Variants in DGKG observed in about 807,000 individuals in gnomAD.
The protein encoded by DGKG is diacylglycerol kinase gamma.
A neutral mutation model predicts 105.3 loss-of-function variants in DGKG; 78 were observed. The ratio of observed to expected loss-of-function variants is 0.74; its 90% CI spans 0.62 to 0.89. The LOEUF is 0.89. Among genes scored for constraint, DGKG ranks in the 40% least tolerant of loss-of-function variants. The pLI is 0.00. For missense variants in DGKG, 958 were observed against 1,020.1 expected (o/e 0.94, Z 0.83); for synonymous variants, 346 against 367.1 (o/e 0.94, Z 0.66).
intron 1 of DGKG, among the ~76,000 whole-genome samples, chr3:186,359,090 C>T (rs918099105): frequency 1.3e-5 from 2 of 152,208 alleles, no homozygotes; most frequent in Non-Finnish European, 2.9e-5. Context: ...GAAGAATGCT[C>T]GTGTGATGTG....
chr3:186,297,978 G>C, intron 4 of DGKG, 86 bp downstream of exon 4: 3 of 1,466,286 alleles, frequency 2.0e-6, no homozygotes, highest in Non-Finnish European at 1.8e-6. Context: ...CTATGTTCAG[G>C]GGACCCTCTA....
At chr3:186,356,295 G>A (rs1726952684) in intron 1 of DGKG, among the ~76,000 whole-genome samples, 2 of 152,164 alleles carry the variant, frequency 1.3e-5, no homozygotes, top group Admixed American at 1.3e-4. Flanking sequence ...GGCTGAGAGG[G>A]CCGGTAAATA....
At chr3:186,317,714 C>T (rs1008989845) in intron 2 of DGKG, among the ~76,000 whole-genome samples, 13 of 152,168 alleles carry the variant, frequency 8.5e-5, no homozygotes, top group Non-Finnish European at 1.3e-4. Flanking sequence ...CCAGGCTGAG[C>T]GGGGCCTTCT....
In DGKG at chr3:186,251,759, C is replaced by T; in HGVS notation, c.1761G>A (p.Val587=). The T allele has an allele frequency of 3.1e-6, 5 of 1,614,110 alleles. No individual in the cohort carries two copies. Among genetic ancestry groups the T allele is most frequent in the Non-Finnish European group, 4.2e-6 (5 of 1,179,984 alleles). The change falls in exon 19 of 25, where the codon GTG becomes GTA. Residue 587 remains valine (V), a splice_region_variant and synonymous_variant. Coordinates refer to ENST00000265022, the MANE Select transcript of DGKG (RefSeq NM_001346.3). ...GAAAGGTGATCTTTGACCAACTCAC[C>T]ACACCAATGGAGAAATAGTTGTTCA... is the stretch of plus-strand genomic sequence containing the variant. The part of the protein sequence containing the change: ...SIMNNYFSIG[V]DASIAHRFHV...
intron 20 of DGKG, among the ~76,000 whole-genome samples, chr3:186,240,224 C>T (rs1720617927): frequency 1.3e-5 from 2 of 152,126 alleles, no homozygotes; most frequent in African/African-American, 2.4e-5. Flanking sequence ...TTGGTTCAGG[C>T]GTCTCTGTCA....
chr3:186,266,845 C>T (rs946098857), intron 13 of DGKG, among the ~76,000 whole-genome samples: 1 of 152,216 alleles, frequency 6.6e-6, no homozygotes, highest in Non-Finnish European at 1.5e-5. Context: ...GATCCGCCTG[C>T]CTCAGCCTCC....
At chr3:186,219,581 C>T (rs1048139698) in intron 20 of DGKG, among the ~76,000 whole-genome samples, 5 of 152,084 alleles carry the variant, frequency 3.3e-5, no homozygotes, top group East Asian at 1.9e-4. Context: ...CTTCAAGGCG[C>T]GAGGTATTCC....
At chr3:186,170,514 G>T (rs896426793) in intron 22 of DGKG, among the ~76,000 whole-genome samples, 2 of 152,158 alleles carry the variant, frequency 1.3e-5, no homozygotes, top group Non-Finnish European at 2.9e-5. Flanking sequence ...TGGGCCTTAG[G>T]CAAGAAAACT....
At chr3:186,348,451 C>CTTTTTTTTTTTTT (rs1159516433) in intron 1 of DGKG, among the ~76,000 whole-genome samples, 3 of 50,702 alleles carry the variant, frequency 5.9e-5, no homozygotes, top group African/African-American at 2.2e-4. Context: ...GGCTCATAAT[C>CTTTTTTTTTTTTT]TTTTTTTTTT....
chr3:186,255,266 C>CA (rs1333455459), intron 17 of DGKG, among the ~76,000 whole-genome samples: 1 of 152,138 alleles, frequency 6.6e-6, no homozygotes, highest in Non-Finnish European at 1.5e-5. Context: ...TGAGAGTGGG[C>CA]AAAAAAGCCG....
chr3:186,186,332 C>T (rs1717637474), intron 22 of DGKG, among the ~76,000 whole-genome samples: 1 of 152,100 alleles, frequency 6.6e-6, no homozygotes, highest in Non-Finnish European at 1.5e-5. Context: ...CCTGGAACAT[C>T]AAAGCACACA....
intron 19 of DGKG, among the ~76,000 whole-genome samples, chr3:186,247,991 C>CCCTT (rs561438259): frequency 1.5e-4 from 23 of 151,050 alleles, no homozygotes; most frequent in Admixed American, 2.0e-4. Context: ...CTTCCTTCCT[C>CCCTT]CCTTCCTTCC....
At chr3:186,341,728 G>A (rs1362317424) in intron 1 of DGKG, among the ~76,000 whole-genome samples, 1 of 152,014 alleles carries the variant, frequency 6.6e-6, no homozygotes, top group Non-Finnish European at 1.5e-5. Flanking sequence ...TATGTTTACT[G>A]CAGCATTATT....
chr3:186,204,146 T>C (rs1718609089), intron 21 of DGKG, among the ~76,000 whole-genome samples: 1 of 152,204 alleles, frequency 6.6e-6, no homozygotes, highest in Non-Finnish European at 1.5e-5. Context: ...TGGTGGCTGA[T>C]GCCTGTAATC....
At chr3:186,151,292 A>G (rs1715746391) in intron 24 of DGKG, among the ~76,000 whole-genome samples, 2 of 152,252 alleles carry the variant, frequency 1.3e-5, no homozygotes, top group Admixed American at 1.3e-4. Context: ...AACAGAACCT[A>G]TGAACTCATT....
intron 4 of DGKG, 37 bp from the exon 5 acceptor site, chr3:186,297,520 G>C: frequency 6.8e-7 from 1 of 1,476,142 alleles, no homozygotes; most frequent in Non-Finnish European, 9.5e-7. Context: ...ACCAACCCAG[G>C]CCCTCTAGCT....
intron 14 of DGKG, among the ~76,000 whole-genome samples, chr3:186,262,162 G>A (rs1292525879): frequency 6.6e-6 from 1 of 152,150 alleles, no homozygotes; most frequent in Non-Finnish European, 1.5e-5. Flanking sequence ...CACTCGTGGA[G>A]TGAACCACCC....
intron 22 of DGKG, among the ~76,000 whole-genome samples, chr3:186,183,524 AC>A (rs1189371675): frequency 1.1e-4 from 16 of 151,760 alleles, no homozygotes; most frequent in African/African-American, 3.9e-4. Context: ...CGGGGTAACT[AC>A]TTGAGGCCAG....
intron 1 of DGKG, among the ~76,000 whole-genome samples, chr3:186,322,617 C>G (rs1448575322): frequency 6.6e-6 from 1 of 152,124 alleles, no homozygotes; most frequent in Admixed American, 6.5e-5. Flanking sequence ...AAAATCCTGT[C>G]CTCAGCCCTC....
Sources: gnomAD v4.1 joint callset for allele counts (sites outside exome capture counted in the v4.1 genomes callset) on GRCh38, gnomAD v4.1.1 for gene constraint, MANE v1.5 for transcripts, NCBI Gene and HGNC (gene_info 2026-07-23, HGNC 2026-07-21) for gene names.